CD72: variants seen among roughly 807,000 people sequenced by gnomAD.
The protein encoded by CD72 is CD72 molecule, also known as B-cell differentiation antigen CD72.
Under a neutral mutation model 50.7 loss-of-function variants are expected in CD72, and 28 were observed. The ratio of observed to expected loss-of-function variants is 0.55; its 90% CI spans 0.41 to 0.76. The LOEUF is 0.76. Ranked by LOEUF, CD72 falls within the 30% of genes least tolerant of loss-of-function variation. The pLI, the probability that CD72 is intolerant of heterozygous loss-of-function variation, is 0.00. For missense variants in CD72, 403 were observed against 420.6 expected (o/e 0.96, Z 0.37); for synonymous variants, 176 against 171.2 (o/e 1.03, Z -0.22).
At position 35,616,136 on chromosome 9, in the gene CD72, C is replaced by T. The variant is rs370896185; in HGVS notation, c.495G>A (p.Ala165=). ...EDLQGSRREL[A]QSQEALQVEQ... ...CCACCTGTAGTGCTTCCTGACTCTG[C>T]GCCAGCTCTCTCCTGGACCCCTGCA... Residue 165 remains alanine (A), a synonymous_variant, in exon 5 of 9, where the codon GCG becomes GCA. Coordinates refer to ENST00000259633, the MANE Select transcript of CD72 (RefSeq NM_001782.3). 242 of 1,614,126 alleles carry T rather than the reference C, an allele frequency of 1.5e-4. 1 individual carries two copies. Among genetic ancestry groups the T allele is most frequent in the Non-Finnish European group, 1.9e-4 (229 of 1,180,038 alleles).
At chr9:35,630,918 T>C (rs1412745802) in intron 1 of CD72, among the ~76,000 whole-genome samples, 3 of 152,116 alleles carry the variant, frequency 2.0e-5, no homozygotes, top group African/African-American at 7.2e-5. Context: ...TACAAAATAA[T>C]AATAATAGTA....
chr9:35,623,671 C>T (rs546075591), upstream of CD72, among the ~76,000 whole-genome samples: 3 of 152,306 alleles, frequency 2.0e-5, no homozygotes, highest in African/African-American at 7.2e-5. Flanking sequence ...AATCCCAGCT[C>T]TTTGGGAGGC....
chr9:35,623,692 G>A (rs543651295), upstream of CD72, among the ~76,000 whole-genome samples: 76 of 152,216 alleles, frequency 5.0e-4, 1 homozygote, highest in East Asian at 8.7e-3. Flanking sequence ...CGAGGCAGGC[G>A]GATCACCTGA....
chr9:35,629,733 C>T (rs1010262404), intron 1 of CD72, among the ~76,000 whole-genome samples: 5 of 152,206 alleles, frequency 3.3e-5, no homozygotes, highest in Non-Finnish European at 5.9e-5. Flanking sequence ...CCTTTGATGA[C>T]GCGAATGTCC....
At chr9:35,620,995 T>C (rs1380676784), upstream of CD72, among the ~76,000 whole-genome samples, 1 of 152,218 alleles carries the variant, frequency 6.6e-6, no homozygotes, top group Non-Finnish European at 1.5e-5. Flanking sequence ...CTTGTAGCCT[T>C]CCTTTGTGAA....
At chr9:35,617,125 G>A (rs1479540903) in intron 3 of CD72, 51 bp downstream of exon 3, 9 of 1,548,826 alleles carry the variant, frequency 5.8e-6, no homozygotes, top group South Asian at 2.4e-5. Flanking sequence ...TCCGCAGCCG[G>A]GACAGGCGCG....
At chr9:35,617,793 T>C (rs1200027977) in intron 2 of CD72, among the ~76,000 whole-genome samples, 1 of 152,104 alleles carries the variant, frequency 6.6e-6, no homozygotes, top group African/African-American at 2.4e-5. Flanking sequence ...GGCCATGGCA[T>C]GGGGGCGCAC....
At chr9:35,617,861 G>A (rs371718823) in intron 2 of CD72, among the ~76,000 whole-genome samples, 153 bp downstream of exon 2, 4 of 152,258 alleles carry the variant, frequency 2.6e-5, no homozygotes, top group African/African-American at 9.6e-5. Context: ...AGCCCAGGAG[G>A]TCGAGGCTGC....
chr9:35,642,978 A>G (rs960701748), intron 1 of CD72: 3 of 152,240 alleles, frequency 2.0e-5, no homozygotes, highest in African/African-American at 4.8e-5. Flanking sequence ...GAGGCAGCCA[A>G]GTGACAAGGC....
At chr9:35,617,464 C>A (rs890593883) in intron 2 of CD72, among the ~76,000 whole-genome samples, 1 of 151,616 alleles carries the variant, frequency 6.6e-6, no homozygotes, top group African/African-American at 2.4e-5. Flanking sequence ...TCCCGGGACC[C>A]CCTCATCTCT....
chr9:35,633,815 T>C lies in CD72; in HGVS notation n.408+12588A>G, dbSNP rs1166132466. Among the ~76,000 whole-genome samples the C allele has an allele frequency of 3.3e-5, 5 of 152,338 alleles. No individual in the cohort carries two copies. The East Asian group carries it at 5.8e-4, about 18-fold the overall frequency. ...GAAAGTAATGTTAGTCGAAAATGCATTTAATACCCTGATAAACCCATCGTA... is the reference window on the plus strand; with the variant it reads ...GAAAGTAATGTTAGTCGAAAATGCACTTAATACCCTGATAAACCCATCGTA... On this transcript the variant is annotated intron_variant and non_coding_transcript_variant, in intron 1 of 3. Coordinates refer to the CD72 transcript ENST00000465754.
chr9:35,624,451 G>A (rs947925622), upstream of CD72, among the ~76,000 whole-genome samples: 2 of 151,968 alleles, frequency 1.3e-5, no homozygotes, highest in Non-Finnish European at 2.9e-5. Context: ...AGGATGTATA[G>A]AGAGCATCTA....
chr9:35,635,855 T>C (rs1209943265), intron 1 of CD72, among the ~76,000 whole-genome samples: 4 of 152,152 alleles, frequency 2.6e-5, no homozygotes, highest in Admixed American at 2.6e-4. Flanking sequence ...GTTTGTCACC[T>C]ATAGCTGGAG....
intron 1 of CD72, among the ~76,000 whole-genome samples, chr9:35,628,429 A>G (rs1267426131): frequency 6.6e-6 from 1 of 152,244 alleles, no homozygotes; most frequent in East Asian, 1.9e-4. Context: ...CATCTCTACT[A>G]AAAATACAAA....
At chr9:35,617,394 C>G (rs1823083003) in intron 2 of CD72, 147 bp from the exon 3 acceptor site, 1 of 875,654 alleles carries the variant, frequency 1.1e-6, no homozygotes. Context: ...GTGTCACTCT[C>G]CTGAGTTCCT....
At position 35,626,927 on chromosome 9, in the gene CD72, C is replaced by T. The variant is rs151191364; in HGVS notation, n.409-8806G>A. On this transcript the variant is annotated intron_variant and non_coding_transcript_variant, in intron 1 of 3. Coordinates refer to the CD72 transcript ENST00000465754. The stretch of plus-strand genomic sequence containing the variant: ...AGTGCAGTGGCACAATGTCAGCTCA[C>T]TGCAAGCTCCGCCTCCTGGGAGTTC... 9.8e-3 allele frequency among the ~76,000 whole-genome samples: 1,485 copies of T among 151,324 alleles called. 20 individuals are homozygous for T. The highest frequency in any genetic ancestry group is 0.034 in the African/African-American group (1,406 of 41,184).
At chr9:35,613,271 C>T (rs965890333) in intron 5 of CD72, among the ~76,000 whole-genome samples, 1 of 152,086 alleles carries the variant, frequency 6.6e-6, no homozygotes, top group African/African-American at 2.4e-5. Context: ...TGCAGTCCAC[C>T]CTGACACTTT....
intron 1 of CD72, 41 bp downstream of exon 1, chr9:35,618,181 A>G: frequency 6.2e-7 from 1 of 1,607,058 alleles, no homozygotes; most frequent in East Asian, 2.2e-5. Context: ...TGGGGCGGGA[A>G]GTGGGGATGC....
chr9:35,631,231 C>G (rs1450115119), intron 1 of CD72, among the ~76,000 whole-genome samples: 1 of 151,768 alleles, frequency 6.6e-6, no homozygotes, highest in Non-Finnish European at 1.5e-5. Flanking sequence ...TTTTACTAGT[C>G]TTTTGGTTTT....
Sources: gnomAD v4.1 joint callset for allele counts (sites outside exome capture counted in the v4.1 genomes callset) on GRCh38, gnomAD v4.1.1 for gene constraint, MANE v1.5 for transcripts, NCBI Gene and HGNC (gene_info 2026-07-23, HGNC 2026-07-21) for gene names.